Variants in TRIM36 observed in about 807,000 individuals in gnomAD.
TRIM36 encodes E3 ubiquitin-protein ligase TRIM36.
Under a neutral mutation model 72.4 loss-of-function variants are expected in TRIM36, and 42 were observed. The observed-to-expected ratio is 0.58, with a 90% CI of 0.45 to 0.75. TRIM36 has a LOEUF of 0.75. Among genes scored for constraint, TRIM36 ranks in the 30% least tolerant of loss-of-function variants. The pLI is 0.00. For missense variants in TRIM36, 913 were observed against 857.1 expected (o/e 1.07, Z -0.81); for synonymous variants, 315 against 282.8 (o/e 1.11, Z -1.14).
At chr5:115,142,063 G>A (rs755478124) in intron 4 of TRIM36, among the ~76,000 whole-genome samples, 6 of 151,886 alleles carry the variant, frequency 4.0e-5, no homozygotes, top group Admixed American at 3.3e-4. Context: ...CAAAAGCCCC[G>A]AAACACCATG....
chr5:115,145,514 C>CATTTATTTATTT (rs200095219), intron 3 of TRIM36, among the ~76,000 whole-genome samples: 1 of 147,148 alleles, frequency 6.8e-6, no homozygotes, highest in East Asian at 1.9e-4. Context: ...AACTTACAGA[C>CATTTATTTATTT]ATTTATTTAT....
chr5:115,144,843 A>G, intron 3 of TRIM36, 99 bp from the exon 4 acceptor site: 1 of 1,328,098 alleles, frequency 7.5e-7, no homozygotes, highest in African/African-American at 1.5e-5. Flanking sequence ...ATCACTAAAT[A>G]AAGCCATTTA....
rs200423868 is a variant in TRIM36 at position 115,163,610 on chromosome 5, T to G, written c.170A>C (p.Asn57Thr). ...ATTGGAGTTGTCTGATCCCACATCG[T>G]TGAATGAATCATCGAGAGTCAGCAG... ...ELLLTLDDSF[N>T]DVGSDNSNQS... Residue 57 changes from asparagine (N) to threonine (T), a missense_variant, in exon 2 of 10, where the codon AAC becomes ACC. Transcript: ENST00000513154. The G allele has an allele frequency of 4.3e-6, 7 of 1,614,220 alleles. No homozygotes were observed. The highest frequency in any genetic ancestry group is 5.9e-6 in the Non-Finnish European group (7 of 1,180,034).
At chr5:115,166,853 T>A (rs1754806272) in intron 1 of TRIM36, among the ~76,000 whole-genome samples, 1 of 152,128 alleles carries the variant, frequency 6.6e-6, no homozygotes, top group Non-Finnish European at 1.5e-5. Flanking sequence ...TGGGAGCCAC[T>A]TGTGGTACAC....
At chr5:115,170,832 G>T (rs1561450464), upstream of TRIM36, among the ~76,000 whole-genome samples, 2 of 152,332 alleles carry the variant, frequency 1.3e-5, no homozygotes, top group Non-Finnish European at 2.9e-5. Flanking sequence ...GAGCGGCTCC[G>T]GCACCCCCGC....
chr5:115,163,746 T>C lies in TRIM36; in HGVS notation c.34A>G (p.Ile12Val). ...EGDGSDSPVT[I>V]KNIERELICP... Reference sequence around the variant, plus strand: ...ATGAGCTCCCTTTCGATATTCTTAATGGTAACCTTGAGAGTAAAATAGTCC... The same window carrying C: ...ATGAGCTCCCTTTCGATATTCTTAACGGTAACCTTGAGAGTAAAATAGTCC... Residue 12 changes from isoleucine to valine, a missense_variant, in exon 2 of 10, where the codon ATT (isoleucine) becomes GTT (valine). Ile to Val is a conservative substitution (Grantham distance 29, BLOSUM62 3). Transcript: ENST00000513154. 5 of 1,613,948 alleles carry C rather than the reference T, an allele frequency of 3.1e-6. No homozygotes were observed. The highest frequency in any genetic ancestry group is 4.2e-6 in the Non-Finnish European group (5 of 1,179,818).
rs1226311922 is a variant in TRIM36 at position 115,126,240 on chromosome 5, A to G, written c.*263T>C. On this transcript the variant is annotated 3_prime_UTR_variant, in exon 10 of 10. Transcript: ENST00000513154. ...CAGAAATAAATTAGATATCCTGTAC[A>G]TAAAGTAAAAGACAGTCCAGTTGCA... 5.2e-6 allele frequency: 2 copies of G among 385,454 alleles called. No individual in the cohort carries two copies. Among genetic ancestry groups the G allele is most frequent in the African/African-American group, 2.0e-5 (1 of 49,174 alleles). 23.9% of individuals were successfully genotyped at this position (385,454 alleles called of 1,614,324 possible).
intron 1 of TRIM36, among the ~76,000 whole-genome samples, chr5:115,165,715 T>C (rs983965690): frequency 6.6e-6 from 1 of 151,842 alleles, no homozygotes; most frequent in Non-Finnish European, 1.5e-5. Context: ...TCCGAGTTGG[T>C]GCGGAGGGAG....
intron 1 of TRIM36, among the ~76,000 whole-genome samples, chr5:115,165,931 G>A (rs1477617354): frequency 6.6e-6 from 1 of 152,152 alleles, no homozygotes; most frequent in East Asian, 1.9e-4. Context: ...GGCCAGGTGT[G>A]TGTGTGCTTG....
intron 2 of TRIM36, among the ~76,000 whole-genome samples, chr5:115,163,034 T>C (rs1249359191): frequency 1.3e-5 from 2 of 151,740 alleles, no homozygotes; most frequent in East Asian, 1.9e-4. Context: ...CTCGGCTCAC[T>C]GCAACCTCCG....
chr5:115,176,384 C>T (rs1165892678), intron 1 of TRIM36, among the ~76,000 whole-genome samples: 2 of 151,944 alleles, frequency 1.3e-5, no homozygotes, highest in Non-Finnish European at 2.9e-5. Context: ...TGTAAAAATT[C>T]TTGAATTTTT....
chr5:115,155,347 C>T (rs1362635599), intron 2 of TRIM36, among the ~76,000 whole-genome samples: 1 of 152,108 alleles, frequency 6.6e-6, no homozygotes, highest in Non-Finnish European at 1.5e-5. Context: ...GAAACTCCGT[C>T]TCAAAAATAA....
chr5:115,133,712 C>A, intron 8 of TRIM36, 148 bp downstream of exon 8: 1 of 719,872 alleles, frequency 1.4e-6, no homozygotes, highest in South Asian at 3.4e-5. Flanking sequence ...TTCTAAAGCC[C>A]AGCTGGGATA....
intron 9 of TRIM36, among the ~76,000 whole-genome samples, chr5:115,129,780 TA>T (rs1752550645): frequency 2.0e-5 from 3 of 152,210 alleles, no homozygotes; most frequent in Admixed American, 1.3e-4. Flanking sequence ...AAAAAACTTA[TA>T]TAAAATTTTG....
At chr5:115,150,343 T>C (rs1398692691) in intron 2 of TRIM36, among the ~76,000 whole-genome samples, 2 of 152,332 alleles carry the variant, frequency 1.3e-5, no homozygotes, top group Non-Finnish European at 2.9e-5. Context: ...TAAGTAAAAT[T>C]TAATATTCAC....
chr5:115,172,412 C>A (rs1447452527), upstream of TRIM36, among the ~76,000 whole-genome samples: 1 of 152,080 alleles, frequency 6.6e-6, no homozygotes, highest in Non-Finnish European at 1.5e-5. Context: ...TACTATGCAG[C>A]AGTTAAAATC....
chr5:115,154,745 C>A (rs1054743614), intron 2 of TRIM36, among the ~76,000 whole-genome samples: 2 of 152,134 alleles, frequency 1.3e-5, no homozygotes, highest in Non-Finnish European at 2.9e-5. Context: ...CAGCAGAATT[C>A]GACCAGACAT....
intron 2 of TRIM36, among the ~76,000 whole-genome samples, chr5:115,153,113 C>A (rs1355267686): frequency 1.3e-5 from 2 of 152,140 alleles, no homozygotes; most frequent in African/African-American, 4.8e-5. Context: ...TAAGACTTCA[C>A]CAACCAACTA....
chr5:115,143,876 T>C (rs1313708251), intron 4 of TRIM36, among the ~76,000 whole-genome samples: 2 of 152,108 alleles, frequency 1.3e-5, no homozygotes, highest in African/African-American at 2.4e-5. Flanking sequence ...CAGGTTTTTT[T>C]TTGTTTGTTT....
Sources: allele counts gnomAD v4.1 joint callset (sites outside exome capture counted in the v4.1 genomes callset), GRCh38; gene constraint gnomAD v4.1.1; transcripts MANE v1.5; gene names NCBI Gene and HGNC (gene_info 2026-07-23, HGNC 2026-07-21).